The following SND1 variants were observed in gnomAD, a reference collection of about 807,000 sequenced individuals.
SND1 encodes staphylococcal nuclease domain-containing protein 1.
Under a neutral mutation model 121.7 loss-of-function variants are expected in SND1, and 38 were observed. The observed-to-expected ratio is 0.31, with a 90% CI of 0.24 to 0.41. SND1 has a LOEUF of 0.41. Ranked by LOEUF, SND1 falls within the 10% of genes least tolerant of loss-of-function variation. The probability of loss-of-function intolerance (pLI) is 1.00; values close to 1 mark genes in which losing one functional copy is unlikely to be tolerated. For synonymous variants in SND1, 401 were observed against 447.4 expected (o/e 0.90, Z 1.31); for missense variants, 868 against 1,184.6 (o/e 0.73, Z 3.92).
In SND1 at chr7:127,997,681, C is replaced by T. The variant is rs759040185; in HGVS notation, c.1779+6625C>T. On this transcript the variant is annotated intron_variant, in intron 16 of 23. Coordinates refer to ENST00000354725, the MANE Select transcript of SND1 (RefSeq NM_014390.4). Reference sequence around the variant, plus strand: ...CTCAGTTTACATATATTCTTGATAACCTCTCCAACTTTATGTCTCACCACC... The same window carrying T: ...CTCAGTTTACATATATTCTTGATAATCTCTCCAACTTTATGTCTCACCACC... 10 of 526,322 alleles carry T rather than the reference C, an allele frequency of 1.9e-5. 1 individual carries two copies. The highest frequency in any genetic ancestry group is 1.3e-4 in the South Asian group (9 of 71,068). 32.6% of individuals were successfully genotyped at this position (526,322 alleles called of 1,614,324 possible). A position where few individuals can be genotyped will look rare whatever the true frequency, so the allele number is the denominator to read the frequency against.
chr7:127,669,821 G>A (rs567508073), intron 1 of SND1, among the ~76,000 whole-genome samples: 2 of 152,260 alleles, frequency 1.3e-5, no homozygotes, highest in African/African-American at 4.8e-5. Context: ...TCAAAGGTGT[G>A]GGGACAGGAG....
Position 127,704,882 on chromosome 7 carries a change from G to A in SND1, c.884G>A (p.Arg295His), listed in dbSNP as rs755722783. Residue 295 changes from arginine (R) to histidine (H), a missense_variant, in exon 8 of 24, where the codon CGC (arginine) becomes CAC (histidine). Transcript: ENST00000354725. ...TELLLKEGFARCVDWSIAVYT... is the reference protein window; with the variant it reads ...TELLLKEGFAHCVDWSIAVYT... Reference sequence around the variant, plus strand: ...CTCCTCCTGAAGGAAGGTTTCGCACGCTGTGTGGACTGGTCGATTGCAGTT... The same window carrying A: ...CTCCTCCTGAAGGAAGGTTTCGCACACTGTGTGGACTGGTCGATTGCAGTT... The A allele has an allele frequency of 7.4e-6, 12 of 1,614,044 alleles. No homozygotes were observed. In the Admixed American group the frequency reaches 1.0e-4, roughly 13 times the overall value.
intron 13 of SND1, among the ~76,000 whole-genome samples, chr7:127,889,444 G>A (rs1799969724): frequency 1.3e-5 from 2 of 151,900 alleles, no homozygotes. Flanking sequence ...ATACAGGCAT[G>A]CAATGCGTAA....
At chr7:127,660,043 AAAG>A (rs970837100) in intron 1 of SND1, among the ~76,000 whole-genome samples, 3 of 148,710 alleles carry the variant, frequency 2.0e-5, no homozygotes, top group Non-Finnish European at 4.4e-5. Context: ...TTAGTTTGAG[AAAG>A]AAGATTAGTG....
intron 11 of SND1, among the ~76,000 whole-genome samples, chr7:127,810,937 A>G (rs868713550): frequency 3.8e-4 from 58 of 152,390 alleles, no homozygotes; most frequent in African/African-American, 1.3e-3. Context: ...AGTTTCAAAA[A>G]TGATGGAAAA....
chr7:127,869,725 T>G (rs1367323258), intron 12 of SND1, among the ~76,000 whole-genome samples: 5 of 152,132 alleles, frequency 3.3e-5, no homozygotes, highest in Admixed American at 6.5e-5. Flanking sequence ...TCTATGCCAT[T>G]TTATCAACTG....
At chr7:127,898,963 T>A (rs1307538344) in intron 13 of SND1, among the ~76,000 whole-genome samples, 2 of 152,178 alleles carry the variant, frequency 1.3e-5, no homozygotes, top group Admixed American at 1.3e-4. Context: ...ACCTCATTTT[T>A]TTGCCCTACA....
chr7:127,684,282 C>G (rs1795776570), intron 1 of SND1, among the ~76,000 whole-genome samples: 2 of 152,138 alleles, frequency 1.3e-5, no homozygotes, highest in Non-Finnish European at 2.9e-5. Flanking sequence ...CAAGAGGTCC[C>G]CTGGGAATGC....
Position 127,879,417 on chromosome 7 carries a change from TATATA to T in SND1, c.1344-8484_1344-8480del, listed in dbSNP as rs1584636804. ...TGGGATAGGTAGCCCACATCCTCCATATATATGAGCAAAGGAACTAATAATCTGAA... is the reference window on the plus strand; with the variant it reads ...TGGGATAGGTAGCCCACATCCTCCATTGAGCAAAGGAACTAATAATCTGAA... On this transcript the variant is annotated intron_variant, in intron 12 of 23. Coordinates refer to ENST00000354725, the MANE Select transcript of SND1 (RefSeq NM_014390.4). 3.3e-5 allele frequency among the ~76,000 whole-genome samples: 5 copies of T among 152,264 alleles called. No individual in the cohort carries two copies. The East Asian group carries it at 7.7e-4, about 24-fold the overall frequency.
chr7:127,732,684 A>G (rs946779433), intron 10 of SND1, among the ~76,000 whole-genome samples: 2 of 152,250 alleles, frequency 1.3e-5, no homozygotes, highest in Non-Finnish European at 2.9e-5. Flanking sequence ...ATTAAATACA[A>G]TTTTATATTC....
chr7:128,028,231 G>C (rs1803536072), intron 16 of SND1: 1 of 153,582 alleles, frequency 6.5e-6, no homozygotes, highest in Non-Finnish European at 1.4e-5. Context: ...ACAGCTCTCG[G>C]CTTAAGAAAG....
intron 13 of SND1, among the ~76,000 whole-genome samples, chr7:127,898,950 C>A (rs1033632759): frequency 1.3e-5 from 2 of 152,160 alleles, no homozygotes; most frequent in Non-Finnish European, 2.9e-5. Flanking sequence ...GGAAAGCCAA[C>A]AAACCTCATT....
intron 11 of SND1, among the ~76,000 whole-genome samples, chr7:127,821,057 C>G (rs753810225): frequency 1.3e-5 from 2 of 152,176 alleles, no homozygotes; most frequent in Non-Finnish European, 2.9e-5. Context: ...CGAATGAACA[C>G]TCAGAATGTT....
intron 16 of SND1, among the ~76,000 whole-genome samples, chr7:127,997,076 C>T (rs1802678838): frequency 6.6e-6 from 1 of 152,200 alleles, no homozygotes; most frequent in African/African-American, 2.4e-5. Context: ...TTTAATCTCA[C>T]AGCAAACCTA....
At chr7:127,794,504 T>C (rs1377942976) in intron 10 of SND1, among the ~76,000 whole-genome samples, 3 of 152,244 alleles carry the variant, frequency 2.0e-5, no homozygotes, top group Admixed American at 1.3e-4. Context: ...TATTTTTTAA[T>C]ATGGTGAAGA....
At chr7:127,811,191 C>G (rs748759773) in intron 11 of SND1, among the ~76,000 whole-genome samples, 2 of 152,268 alleles carry the variant, frequency 1.3e-5, no homozygotes, top group East Asian at 3.9e-4. Context: ...TCTTTTTAGG[C>G]ACTTAGAATT....
In SND1 at chr7:128,074,834, G is replaced by A. The variant is rs1793479823; in HGVS notation, c.1968+144G>A. The A allele has an allele frequency of 6.4e-6, 5 of 781,934 alleles. No homozygotes were observed. The Admixed American group carries it at 1.1e-4, about 17-fold the overall frequency. The allele number at this position is 781,934 out of a possible 1,614,324, so 48.4% of individuals were successfully genotyped here. ...TGTTGGTCTCAGACCCCACACCAAG[G>A]CCACACACAGGCGAGGAGAGGCTGC... On this transcript the variant is annotated intron_variant, in intron 17 of 23. Coordinates refer to ENST00000354725, the MANE Select transcript of SND1 (RefSeq NM_014390.4).
chr7:127,940,859 A>G (rs545206471), intron 15 of SND1, among the ~76,000 whole-genome samples: 1 of 152,224 alleles, frequency 6.6e-6, no homozygotes, highest in African/African-American at 2.4e-5. Flanking sequence ...TGTGGGCAGC[A>G]TGTGCAAGCT....
chr7:127,825,389 G>A (rs1275144667), intron 11 of SND1, among the ~76,000 whole-genome samples: 4 of 151,432 alleles, frequency 2.6e-5, no homozygotes, highest in African/African-American at 4.9e-5. Flanking sequence ...GGTGACAGGC[G>A]TGAGCCACTG....
Sources: gnomAD v4.1 joint callset for allele counts (sites outside exome capture counted in the v4.1 genomes callset) on GRCh38, gnomAD v4.1.1 for gene constraint, MANE v1.5 for transcripts, NCBI Gene and HGNC (gene_info 2026-07-23, HGNC 2026-07-21) for gene names.